The following TRO variants were observed in gnomAD, a reference collection of about 807,000 sequenced individuals.
The protein encoded by TRO is MAGE superfamily protein.
A neutral mutation model predicts 42.3 loss-of-function variants in TRO; 29 were observed. That is an observed-to-expected ratio of 0.68 (90% confidence interval 0.51 to 0.93). The LOEUF is 0.93. Ranked by LOEUF, TRO falls within the 40% of genes least tolerant of loss-of-function variation. TRO has a pLI of 0.00. For synonymous variants in TRO, 384 were observed against 425.2 expected (o/e 0.90, Z 1.19); for missense variants, 963 against 1,127.7 (o/e 0.85, Z 2.09).
chrX:54,925,753 C>G (rs1932674707), intron 7 of TRO, 70 bp downstream of exon 7: 1 of 908,784 alleles, frequency 1.1e-6, no homozygotes, highest in Admixed American at 2.5e-5. Flanking sequence ...CCTTCTTTGT[C>G]CTACTTCCCC....
At position 54,922,595 on chromosome X, in the gene TRO, G is replaced by C. The variant is rs772650773; in HGVS notation, c.63G>C (p.Pro21=). The C allele has an allele frequency of 2.2e-5, 27 of 1,206,349 alleles. No homozygotes were observed. The highest frequency in any genetic ancestry group is 2.9e-5 in the Non-Finnish European group (26 of 893,442). Residue 21 remains proline, a synonymous_variant, in exon 3 of 13, where the codon CCG becomes CCC. Transcript: ENST00000173898. ...GTGTGTAGGGCCCTCTGCCTCCCCC[G>C]GGGAGCCTGGGGCTTCCCTTCCCTC... ...VPLFQGPLPP[P]GSLGLPFPPD... is the part of the protein sequence containing the mutation.
At chrX:54,924,296 A>G in intron 3 of TRO, 155 bp from the exon 4 acceptor site, 1 of 468,367 alleles carries the variant, frequency 2.1e-6, no homozygotes, top group East Asian at 3.8e-5. Context: ...CTCAGGACTC[A>G]GGGTGGCCAA....
chrX:54,931,406 G>A lies in TRO; in HGVS notation c.*214G>A. ...TGTGTGCTGTCATATTTTGGTATCAGAGTTACATTAAATTTGCAAAATGAA... is the reference window on the plus strand; with the variant it reads ...TGTGTGCTGTCATATTTTGGTATCAAAGTTACATTAAATTTGCAAAATGAA... On this transcript the variant is annotated 3_prime_UTR_variant, in exon 13 of 13. Transcript: ENST00000173898. 8.9e-7 allele frequency: 1 copy of A among 1,120,035 alleles called. No individual in the cohort carries two copies. Among genetic ancestry groups the A allele is most frequent in the South Asian group, 1.9e-5 (1 of 51,604 alleles). The allele number at this position is 1,120,035 out of a possible 1,213,427, so 92.3% of individuals were successfully genotyped here.
At chrX:54,922,439 A>G in intron 2 of TRO, 139 bp from the exon 3 acceptor site, 1 of 900,089 alleles carries the variant, frequency 1.1e-6, no homozygotes, top group Non-Finnish European at 1.5e-6. Flanking sequence ...GGAGAGGAAA[A>G]CCTGCCTGAC....
intron 1 of TRO, chrX:54,921,217 A>T: frequency 9.1e-6 from 1 of 110,327 alleles, no homozygotes; most frequent in Non-Finnish European, 1.9e-5. Context: ...TTCGGGAGGG[A>T]GATAGGAGAC....
chrX:54,927,606 G>A (rs1844527555), intron 10 of TRO, 61 bp from the exon 11 acceptor site: 1 of 944,047 alleles, frequency 1.1e-6, no homozygotes, highest in Non-Finnish European at 1.5e-6. Context: ...GCCACCTGGT[G>A]TCTAGTGCTT....
At chrX:54,925,461 T>G (rs2146547228) in intron 6 of TRO, 131 bp from the exon 7 acceptor site, 2 of 515,159 alleles carry the variant, frequency 3.9e-6, no homozygotes, top group East Asian at 7.3e-5. Flanking sequence ...ATGTGCTTTA[T>G]GTGCATTATC....
Position 54,922,091 on chromosome X carries a change from T to C in TRO, c.-44-112T>C, listed in dbSNP as rs998338593. On this transcript the variant is annotated intron_variant, in intron 1 of 12. Coordinates refer to ENST00000173898, the MANE Select transcript of TRO (RefSeq NM_001039705.3). The stretch of plus-strand genomic sequence containing the variant: ...CCAGATGGCCTGGGTTTTTTAGGTA[T>C]GAAAACCCAGGAGTTGAAGGGATTA... The C allele has an allele frequency of 5.4e-6, 3 of 554,642 alleles. No individual in the cohort carries two copies. In the African/African-American group the frequency reaches 7.2e-5, roughly 13 times the overall value. 45.7% of individuals were successfully genotyped at this position (554,642 alleles called of 1,213,427 possible).
Position 54,925,609 on chromosome X carries a change from G to A in TRO, c.1503G>A (p.Leu501=), listed in dbSNP as rs1338371063. The change falls in exon 7 of 13, where the codon CTG becomes CTA. Residue 501 remains leucine (L), a synonymous_variant. Transcript: ENST00000173898. ...CTTGGCAGATGTTTCGAGTCAATCT[G>A]AAAGAAATTGATAAGCAAAGTAGCT... ...YTLEKMFRVN[L]KEIDKQSSLY... The A allele has an allele frequency of 1.7e-6, 2 of 1,210,026 alleles. No individual in the cohort carries two copies. The highest frequency in any genetic ancestry group is 3.5e-5 in the South Asian group (2 of 56,657).
At chrX:54,926,223 A>G (rs1211641523) in intron 7 of TRO, among the ~76,000 whole-genome samples, 187 bp from the exon 8 acceptor site, 1 of 112,471 alleles carries the variant, frequency 8.9e-6, no homozygotes, top group Non-Finnish European at 1.9e-5. Context: ...TGCAAGGTCT[A>G]AGTGCCTTGC....
In TRO at chrX:54,929,415, CTGTTT is replaced by C; in HGVS notation, c.2694_2698del (p.Cys898TrpfsTer9). On this transcript the variant is annotated frameshift_variant, in exon 12 of 13. Coordinates refer to ENST00000173898, the MANE Select transcript of TRO (RefSeq NM_001039705.3). LOFTEE classifies it low-confidence loss of function (END_TRUNC). ...TTGGAGGCATACTCAGCACCAGTGT[CTGTTT>C]TGGTGGCTCTCCCAGCTCCAGTGGT... 1 of 1,212,083 alleles carries C rather than the reference CTGTTT, an allele frequency of 8.3e-7. No homozygotes were observed. The highest frequency in any genetic ancestry group is 1.1e-6 in the Non-Finnish European group (1 of 895,554).
chrX:54,931,198 T>C lies in TRO; in HGVS notation c.*12-6T>C, dbSNP rs1159148671. ...TAAAATGTGTTCCTATTTGTTTTGTTTTCAGATTTATTCCCCATGTTTACA... is the reference window on the plus strand; with the variant it reads ...TAAAATGTGTTCCTATTTGTTTTGTCTTCAGATTTATTCCCCATGTTTACA... On this transcript the variant is annotated splice_polypyrimidine_tract_variant and splice_region_variant and intron_variant, in intron 12 of 12. Coordinates refer to ENST00000173898, the MANE Select transcript of TRO (RefSeq NM_001039705.3). The C allele has an allele frequency of 1.7e-6, 2 of 1,210,614 alleles. No homozygotes were observed. Among genetic ancestry groups the C allele is most frequent in the Admixed American group, 2.2e-5 (1 of 45,913 alleles).
Position 54,930,009 on chromosome X carries a change from C to G in TRO, c.3285C>G (p.Thr1095=), listed in dbSNP as rs751108361. 2.0e-5 allele frequency: 24 copies of G among 1,210,767 alleles called. No individual in the cohort carries two copies. The highest frequency in any genetic ancestry group is 2.7e-5 in the Non-Finnish European group (24 of 895,402). Residue 1095 remains threonine, a synonymous_variant, in exon 12 of 13, where the codon ACC becomes ACG. Coordinates refer to ENST00000173898, the MANE Select transcript of TRO (RefSeq NM_001039705.3). ...TSACFSGAPI[T]NPGFGGAFST... ...CTTGCTTCAGTGGTGCACCAATCAC[C>G]AACCCTGGCTTTGGCGGTGCATTTA...
In TRO at chrX:54,923,530, C is replaced by T; in HGVS notation, c.998C>T (p.Ala333Val). Residue 333 changes from alanine to valine, a missense_variant, in exon 3 of 13, where the codon GCC becomes GTC. Physicochemically the swap from Ala to Val is moderately conservative, Grantham distance 64. Coordinates refer to ENST00000173898, the MANE Select transcript of TRO (RefSeq NM_001039705.3). ...TQIVTNQALAATLRVKRGSRA... is the reference protein window; with the variant it reads ...TQIVTNQALAVTLRVKRGSRA... ...ATAGTCACAAACCAAGCCCTGGCAG[C>T]CACCCTGCGGGTCAAGAGAGGGTCT... The T allele has an allele frequency of 8.4e-7, 1 of 1,187,894 alleles. No individual in the cohort carries two copies. Among genetic ancestry groups the T allele is most frequent in the Admixed American group, 2.4e-5 (1 of 42,404 alleles).
chrX:54,927,158 T>A, intron 10 of TRO, 53 bp downstream of exon 10: 1 of 1,173,173 alleles, frequency 8.5e-7, no homozygotes, highest in East Asian at 3.0e-5. Context: ...GGTATACTGA[T>A]CTGGTTCAGA....
intron 1 of TRO, chrX:54,921,892 C>T (rs1932104961): frequency 1.1e-5 from 2 of 180,202 alleles, no homozygotes; most frequent in Non-Finnish European, 2.0e-5. Context: ...AAGGCGCATG[C>T]GCGCGGAGGG....
At position 54,929,632 on chromosome X, in the gene TRO, G is replaced by A; in HGVS notation, c.2908G>A (p.Gly970Ser). ...DGSPSTGAGF[G>S]GALNTSASFG... is the part of the protein sequence containing the mutation. ...CTCTCCCAGCACTGGTGCTGGCTTT[G>A]GTGGTGCTCTCAACACCAGTGCCAG... The change falls in exon 12 of 13, where the codon GGT (glycine) becomes AGT (serine). Residue 970 changes from glycine to serine, a missense_variant. This residue lies in a region of TRO where 641 missense variants were observed against 811.3 expected (regional missense o/e 0.79). Coordinates refer to ENST00000173898, the MANE Select transcript of TRO (RefSeq NM_001039705.3). 8.3e-7 allele frequency: 1 copy of A among 1,211,273 alleles called. No homozygotes were observed. The highest frequency in any genetic ancestry group is 1.1e-6 in the Non-Finnish European group (1 of 895,246).
At chrX:54,926,114 T>A (rs1932726514) in intron 7 of TRO, among the ~76,000 whole-genome samples, 1 of 112,163 alleles carries the variant, frequency 8.9e-6, no homozygotes, top group Non-Finnish European at 1.9e-5. Context: ...GACTGAGTGC[T>A]TGTGTTGTAC....
chrX:54,927,778 C>G lies in TRO; in HGVS notation c.1875C>G (p.Cys625Trp). ...TSKMKVLKFA[C>W]RVQKKDPKDW... ...AGATGAAAGTCCTCAAGTTTGCATG[C>G]AGGGTAAGAGGAGAGCTGCCCGAGC... Residue 625 changes from cysteine (C) to tryptophan (W), a missense_variant, in exon 11 of 13, where the codon TGC becomes TGG. Cys to Trp is a radical substitution (Grantham distance 215, BLOSUM62 -2). This residue lies in a region of TRO where 641 missense variants were observed against 811.3 expected (regional missense o/e 0.79). Coordinates refer to ENST00000173898, the MANE Select transcript of TRO (RefSeq NM_001039705.3). 8.3e-7 allele frequency: 1 copy of G among 1,207,259 alleles called. No individual in the cohort carries two copies. The highest frequency in any genetic ancestry group is 3.0e-5 in the East Asian group (1 of 33,788).
Sources: allele counts gnomAD v4.1 joint callset (sites outside exome capture counted in the v4.1 genomes callset), GRCh38; gene constraint gnomAD v4.1.1; regional missense constraint gnomAD v4.1.1; transcripts MANE v1.5; gene names NCBI Gene and HGNC (gene_info 2026-07-23, HGNC 2026-07-21).